FRMD5: variants seen among roughly 807,000 people sequenced by gnomAD.
FRMD5 encodes FERM domain-containing protein 5.
In FRMD5, 20 loss-of-function variants were observed where a neutral mutation model predicts 69.0. The observed-to-expected ratio is 0.29, with a 90% CI of 0.20 to 0.42. The LOEUF (loss-of-function observed/expected upper bound fraction) is 0.42, where lower values mean the gene tolerates loss of function less well. Ranked by LOEUF, FRMD5 falls within the 10% of genes least tolerant of loss-of-function variation. FRMD5 has a pLI of 1.00. For synonymous variants in FRMD5, 271 were observed against 260.1 expected (o/e 1.04, Z -0.40); for missense variants, 595 against 708.6 (o/e 0.84, Z 1.82).
In FRMD5 at chr15:43,905,855, A is replaced by G. The variant is rs754543248; in HGVS notation, c.524T>C (p.Ile175Thr). 1.2e-6 allele frequency: 2 copies of G among 1,614,190 alleles called. No individual in the cohort carries two copies. The change falls in exon 6 of 14, where the codon ATT (isoleucine) becomes ACT (threonine). Residue 175 changes from isoleucine (I) to threonine (T), a missense_variant. Physicochemically the swap from Ile to Thr is moderately conservative, Grantham distance 89. Around this residue, in one of 5 missense-constraint regions of FRMD5, gnomAD observed 51 missense variants for 41.7 expected, o/e 1.22. Coordinates refer to ENST00000417257, the MANE Select transcript of FRMD5 (RefSeq NM_032892.5). ...PKHSEKLERK[I>T]AEIHKTELSG... ...CAGTTCCGTCTTGTGAATCTCAGCAATTTTCCTTTCCAGCTTCTCTGAATG... is the reference window on the plus strand; with the variant it reads ...CAGTTCCGTCTTGTGAATCTCAGCAGTTTTCCTTTCCAGCTTCTCTGAATG...
chr15:44,161,194 T>C (rs1205167307), intron 1 of FRMD5, among the ~76,000 whole-genome samples: 1 of 152,172 alleles, frequency 6.6e-6, no homozygotes, highest in Admixed American at 6.5e-5. Flanking sequence ...TCCACCCATG[T>C]CCCACAGCTC....
chr15:43,875,363 AATATATATATATATAT>A (rs749584177), intron 13 of FRMD5, among the ~76,000 whole-genome samples: 1 of 105,348 alleles, frequency 9.5e-6, no homozygotes, highest in Non-Finnish European at 1.7e-5. Context: ...AAAAAAAAAA[AATATATATATATATAT>A]ATATATATAT....
chr15:44,084,422 T>C (rs951819761), intron 1 of FRMD5, among the ~76,000 whole-genome samples: 5 of 152,090 alleles, frequency 3.3e-5, no homozygotes, highest in Non-Finnish European at 5.9e-5. Flanking sequence ...TTGGATACTA[T>C]TATTGTTGGA....
At chr15:44,020,097 G>A (rs766927914) in intron 1 of FRMD5, among the ~76,000 whole-genome samples, 26 of 151,410 alleles carry the variant, frequency 1.7e-4, no homozygotes, top group Admixed American at 2.6e-4. Context: ...AACATATGAG[G>A]TAAATACATT....
At chr15:44,180,900 T>C (rs1433287242) in intron 1 of FRMD5, among the ~76,000 whole-genome samples, 1 of 152,230 alleles carries the variant, frequency 6.6e-6, no homozygotes, top group African/African-American at 2.4e-5. Flanking sequence ...TTTTGACATA[T>C]GATACTTGAG....
rs150935011 is a variant in FRMD5, at chr15:44,094,315, G to A, written c.102+100638C>T. 3.1e-3 allele frequency among the ~76,000 whole-genome samples: 469 copies of A among 152,284 alleles called. 3 individuals are homozygous for A. Among genetic ancestry groups the A allele is most frequent in the African/African-American group, 0.011 (438 of 41,564 alleles). On this transcript the variant is annotated intron_variant, in intron 1 of 13. Coordinates refer to ENST00000417257, the MANE Select transcript of FRMD5 (RefSeq NM_032892.5). ...CATGGGCACCTCCTAGGTCCGGGCT[G>A]GCTTTCCATTTGTCCCCTAATTCCA...
intron 10 of FRMD5, among the ~76,000 whole-genome samples, chr15:43,886,963 G>C (rs983750096): frequency 6.6e-6 from 1 of 152,028 alleles, no homozygotes; most frequent in African/African-American, 2.4e-5. Context: ...GCAGGGCTGG[G>C]TGGGTAGGGA....
chr15:44,034,418 G>T (rs1891820609), intron 1 of FRMD5, among the ~76,000 whole-genome samples: 1 of 152,148 alleles, frequency 6.6e-6, no homozygotes, highest in African/African-American at 2.4e-5. Flanking sequence ...GTCTTTAAAG[G>T]TTCACTTGGT....
intron 1 of FRMD5, among the ~76,000 whole-genome samples, chr15:43,926,360 G>A (rs959666494): frequency 4.6e-5 from 7 of 152,136 alleles, no homozygotes. Flanking sequence ...TACAAATTGA[G>A]GTTGTATGAG....
chr15:43,914,254 G>T (rs978497297), intron 4 of FRMD5, among the ~76,000 whole-genome samples: 1 of 152,168 alleles, frequency 6.6e-6, no homozygotes, highest in Non-Finnish European at 1.5e-5. Flanking sequence ...GAGGCTCCTG[G>T]AGAGTTTTTT....
chr15:44,157,523 G>C (rs923962974), intron 1 of FRMD5, among the ~76,000 whole-genome samples: 2 of 152,136 alleles, frequency 1.3e-5, no homozygotes, highest in Admixed American at 1.3e-4. Flanking sequence ...GACTTAAAAA[G>C]TCCTAAGCAG....
At chr15:43,965,453 C>T (rs758686508) in intron 1 of FRMD5, among the ~76,000 whole-genome samples, 2 of 152,078 alleles carry the variant, frequency 1.3e-5, no homozygotes, top group Non-Finnish European at 2.9e-5. Context: ...ACCAGGATTT[C>T]ACATAGCTAA....
At chr15:44,158,115 C>T (rs1264722238) in intron 1 of FRMD5, among the ~76,000 whole-genome samples, 1 of 152,072 alleles carries the variant, frequency 6.6e-6, no homozygotes, top group African/African-American at 2.4e-5. Context: ...GATAATAGAT[C>T]CATATATCTA....
intron 1 of FRMD5, among the ~76,000 whole-genome samples, chr15:44,178,687 T>G (rs541824736): frequency 5.3e-5 from 8 of 152,226 alleles, no homozygotes; most frequent in African/African-American, 1.9e-4. Flanking sequence ...CATTTAGATT[T>G]GAGTCTTAAG....
intron 1 of FRMD5, among the ~76,000 whole-genome samples, chr15:43,927,290 A>T (rs1228997847): frequency 1.3e-5 from 2 of 152,184 alleles, no homozygotes; most frequent in African/African-American, 4.8e-5. Context: ...CCCCCAGCCC[A>T]CTGGTATCAC....
chr15:43,892,080 G>A lies in FRMD5; in HGVS notation c.640-11C>T. 6.2e-7 allele frequency: 1 copy of A among 1,612,624 alleles called. No individual in the cohort carries two copies. Among genetic ancestry groups the A allele is most frequent in the Non-Finnish European group, 8.5e-7 (1 of 1,178,742 alleles). ...ATTTCCTGACACGTCCTGCAACACA[G>A]AAAGACTTCTCATCGGGTGATGCAG... is the stretch of plus-strand genomic sequence containing the variant. On this transcript the variant is annotated splice_polypyrimidine_tract_variant and intron_variant, in intron 7 of 13. Transcript: ENST00000417257.
At chr15:43,947,218 C>T (rs542181437) in intron 1 of FRMD5, among the ~76,000 whole-genome samples, 16 of 152,322 alleles carry the variant, frequency 1.1e-4, no homozygotes, top group African/African-American at 3.1e-4. Context: ...CAGCATTACA[C>T]AGCGGTGGCT....
At chr15:43,977,264 G>A (rs1043328788) in intron 1 of FRMD5, among the ~76,000 whole-genome samples, 1 of 152,104 alleles carries the variant, frequency 6.6e-6, no homozygotes, top group African/African-American at 2.4e-5. Context: ...TTAAGGTATG[G>A]GTGAGGTTGA....
At chr15:43,942,495 C>A (rs1245364598) in intron 1 of FRMD5, among the ~76,000 whole-genome samples, 1 of 152,294 alleles carries the variant, frequency 6.6e-6, no homozygotes, top group East Asian at 1.9e-4. Context: ...CTTTAGAAAA[C>A]AGATTTTGTG....
Sources: gnomAD v4.1 joint callset for allele counts (sites outside exome capture counted in the v4.1 genomes callset) on GRCh38, gnomAD v4.1.1 for gene constraint, gnomAD v4.1.1 regional missense constraint, MANE v1.5 for transcripts, NCBI Gene and HGNC (gene_info 2026-07-23, HGNC 2026-07-21) for gene names.